RXRB: variants seen among roughly 807,000 people sequenced by gnomAD.
The protein encoded by RXRB is retinoic acid receptor RXR-beta.
Under a neutral mutation model 52.5 loss-of-function variants are expected in RXRB, and 18 were observed. The observed-to-expected ratio is 0.34, with a 90% confidence interval of 0.24 to 0.51. The LOEUF (loss-of-function observed/expected upper bound fraction) is 0.51, where lower values mean the gene tolerates loss of function less well. Among genes scored for constraint, RXRB ranks in the 20% least tolerant of loss-of-function variants. RXRB has a pLI of 0.97. For missense variants in RXRB, 455 were observed against 698.2 expected (o/e 0.65, Z 3.92); for synonymous variants, 233 against 267.1 (o/e 0.87, Z 1.25).
Position 33,196,583 on chromosome 6 carries a change from C to T in RXRB, c.844G>A (p.Gly282Arg). 6.2e-7 allele frequency: 1 copy of T among 1,611,120 alleles called. No individual in the cohort carries two copies. The highest frequency in any genetic ancestry group is 2.2e-5 in the East Asian group (1 of 44,852). Residue 282 changes from glycine (G) to arginine (R), a missense_variant, in exon 5 of 10, where the codon GGA becomes AGA. Physicochemically the swap from Gly to Arg is moderately radical, Grantham distance 125. Around this residue, in one of 4 missense-constraint regions of RXRB, gnomAD observed 100 missense variants for 141.9 expected, o/e 0.70. Coordinates refer to ENST00000374680, the MANE Select transcript of RXRB (RefSeq NM_021976.5). The surrounding 1 kb of genome is among the most constrained non-coding windows in gnomAD (Gnocchi z 4.0). ...REAVQEERQR[G>R]KDKDGDGEGA... ...TCCCCATCCCCATCCTTGTCCTTTC[C>T]CCGCTGACGCTCCTCCTGTACCGCT...
chr6:33,194,674 G>A lies in RXRB; in HGVS notation c.*8C>T, dbSNP rs553683366. 4.3e-6 allele frequency: 7 copies of A among 1,612,328 alleles called. 1 individual carries two copies. The African/African-American group carries it at 9.3e-5, about 21-fold the overall frequency. ...CCAGTGTGAGAAGCACCACGTCTGGGTCTGAGCTCAGGCCAGTTGATGGGG... is the reference window on the plus strand; with the variant it reads ...CCAGTGTGAGAAGCACCACGTCTGGATCTGAGCTCAGGCCAGTTGATGGGG... On this transcript the variant is annotated 3_prime_UTR_variant, in exon 10 of 10. Coordinates refer to ENST00000374680, the MANE Select transcript of RXRB (RefSeq NM_021976.5). The surrounding 1 kb of genome is among the most constrained non-coding windows in gnomAD (Gnocchi z 4.1).
intron 1 of RXRB, chr6:33,199,893 A>G (rs989799833): frequency 1.5e-6 from 1 of 660,938 alleles, no homozygotes; most frequent in Non-Finnish European, 2.8e-6. Context: ...GCGTAAAGCC[A>G]GGTAGCCAGA....
In RXRB at chr6:33,195,399, GCT is replaced by G. The variant is rs1173137913; in HGVS notation, c.1310_1311del (p.Glu437AlafsTer11). ...KMRDMRMDKT[E>X]LGCLRAIILF... is the part of the protein sequence containing the mutation. ...AGAATGATTGCCCTCAGGCAGCCAA[GCT>G]CTGTCTTGTCCATCCTCATGTCACG... On this transcript the variant is annotated frameshift_variant, in exon 8 of 10. Transcript: ENST00000374680. LOFTEE classifies it high-confidence loss of function. The surrounding 1 kb of genome is among the most constrained non-coding windows in gnomAD (Gnocchi z 8.6). 1.2e-6 allele frequency: 2 copies of G among 1,612,510 alleles called. No homozygotes were observed. Among genetic ancestry groups the G allele is most frequent in the African/African-American group, 1.3e-5 (1 of 75,052 alleles).
chr6:33,195,413 A>G lies in RXRB; in HGVS notation c.1298T>C (p.Met433Thr). 1 of 1,612,896 alleles carries G rather than the reference A, an allele frequency of 6.2e-7. No homozygotes were observed. Among genetic ancestry groups the G allele is most frequent in the Non-Finnish European group, 8.5e-7 (1 of 1,179,856 alleles). The change falls in exon 8 of 10, where the codon ATG becomes ACG. Residue 433 changes from methionine to threonine, a missense_variant. By Grantham distance (81) the Met-to-Thr change is moderately conservative. Around this residue, in one of 4 missense-constraint regions of RXRB, gnomAD observed 115 missense variants for 253.1 expected, o/e 0.45. Transcript: ENST00000374680. This position sits in a 1 kb window ranked among gnomAD's most constrained non-coding sequence, Gnocchi z 8.6. ...CAGGCAGCCAAGCTCTGTCTTGTCCATCCTCATGTCACGCATTTTGGACAC... is the reference window on the plus strand; with the variant it reads ...CAGGCAGCCAAGCTCTGTCTTGTCCGTCCTCATGTCACGCATTTTGGACAC... The part of the protein sequence containing the change: ...ELVSKMRDMR[M>T]DKTELGCLRA...
chr6:33,196,640 G>C lies in RXRB; in HGVS notation c.821-34C>G. 6.4e-7 allele frequency: 1 copy of C among 1,554,574 alleles called. No homozygotes were observed. The highest frequency in any genetic ancestry group is 2.3e-5 in the East Asian group (1 of 44,394). On this transcript the variant is annotated intron_variant, in intron 4 of 9. Coordinates refer to ENST00000374680, the MANE Select transcript of RXRB (RefSeq NM_021976.5). This position sits in a 1 kb window ranked among gnomAD's most constrained non-coding sequence, Gnocchi z 4.0. ...GGAAGGGGGAGAGAAAAAATGGAAA[G>C]TCAGCAGCCAGCCATGAAGGGGTTC... is the stretch of plus-strand genomic sequence containing the variant.
At position 33,200,473 on chromosome 6, in the gene RXRB, A is replaced by T; in HGVS notation, c.4T>A (p.Ser2Thr). The T allele has an allele frequency of 4.4e-6, 7 of 1,591,744 alleles. No homozygotes were observed. The highest frequency in any genetic ancestry group is 6.0e-6 in the Non-Finnish European group (7 of 1,171,526). M[S>T]WAARPPFLPQ... is the part of the protein sequence containing the mutation. The stretch of plus-strand genomic sequence containing the variant: ...AGGAAGGGCGGGCGAGCGGCCCAAG[A>T]CATGATCCCTGGCTGAGAGTAGGGA... The change falls in exon 1 of 10, where the codon TCT (serine) becomes ACT (threonine). Residue 2 changes from serine (S) to threonine (T), a missense_variant. Physicochemically the swap from Ser to Thr is moderately conservative, Grantham distance 58 (BLOSUM62 1). This residue lies in a region of RXRB where 225 missense variants were observed against 258.6 expected (regional missense o/e 0.87). Coordinates refer to ENST00000374680, the MANE Select transcript of RXRB (RefSeq NM_021976.5). This position sits in a 1 kb window ranked among gnomAD's most constrained non-coding sequence, Gnocchi z 6.3.
At chr6:33,199,101 G>C in intron 2 of RXRB, 68 bp downstream of exon 2, 1 of 1,170,424 alleles carries the variant, frequency 8.5e-7, no homozygotes, top group Non-Finnish European at 1.1e-6. Flanking sequence ...TTCACACAAG[G>C]ATCTGGGGTT....
chr6:33,199,843 G>GT (rs1774299896), intron 1 of RXRB: 1 of 581,992 alleles, frequency 1.7e-6, no homozygotes, highest in African/African-American at 1.8e-5. Flanking sequence ...TCGTGGGTGG[G>GT]GCAGCACGTG....
In RXRB at chr6:33,199,340, G is replaced by T; in HGVS notation, c.312C>A (p.Pro104=). 2 of 1,207,146 alleles carry T rather than the reference G, an allele frequency of 1.7e-6. No homozygotes were observed. Among genetic ancestry groups the T allele is most frequent in the Non-Finnish European group, 2.1e-6 (2 of 950,740 alleles). 74.8% of individuals were successfully genotyped at this position (1,207,146 alleles called of 1,614,324 possible). The change falls in exon 2 of 10, where the codon CCC becomes CCA. Residue 104 remains proline, a synonymous_variant. Transcript: ENST00000374680. ...GGGATGGAGCTGTTGAAGGGGGTAG[G>T]GGTGGCCCAGGAGGAGAAGGGGGAG... The part of the protein sequence containing the change: ...GVPPPSPPGP[P]LPPSTAPSLG...
In RXRB at chr6:33,197,468, C is replaced by G. The variant is rs1773999014; in HGVS notation, c.820+294G>C. ...AAGGTCCATGGAATCAGAGGAGGAA[C>G]CACTCAGGTTAGAAATGGGGAGACA... On this transcript the variant is annotated intron_variant, in intron 4 of 9. Transcript: ENST00000374680. The surrounding 1 kb of genome is among the most constrained non-coding windows in gnomAD (Gnocchi z 4.4). Among the ~76,000 whole-genome samples, 1 of 152,154 alleles carries G rather than the reference C, an allele frequency of 6.6e-6. No individual in the cohort carries two copies. The highest frequency in any genetic ancestry group is 2.1e-4 in the South Asian group (1 of 4,832).
chr6:33,195,997 T>C lies in RXRB; in HGVS notation c.1033A>G (p.Lys345Glu). ...PVTNICQAAD[K>E]QLFTLVEWAK... ...CACTCAACAAGCGTGAATAGCTGTT[T>C]GTCAGCTGCCTGACAGATGTTAGTC... The change falls in exon 6 of 10, where the codon AAA becomes GAA. Residue 345 changes from lysine to glutamate, a missense_variant. This residue lies in a region of RXRB where 115 missense variants were observed against 253.1 expected (regional missense o/e 0.45). Coordinates refer to ENST00000374680, the MANE Select transcript of RXRB (RefSeq NM_021976.5). This position sits in a 1 kb window ranked among gnomAD's most constrained non-coding sequence, Gnocchi z 8.6. 6.2e-7 allele frequency: 1 copy of C among 1,613,106 alleles called. No individual in the cohort carries two copies. Among genetic ancestry groups the C allele is most frequent in the Non-Finnish European group, 8.5e-7 (1 of 1,180,036 alleles).
At chr6:33,198,714 T>C (rs1774119860) in intron 2 of RXRB, 3 of 633,060 alleles carry the variant, frequency 4.7e-6, no homozygotes, top group Non-Finnish European at 8.5e-6. Flanking sequence ...GCAGATGGGA[T>C]CAAAAGGGCA....
rs964576267 is a variant in RXRB, at chr6:33,194,278, G to GC, written c.*403dup. Reference sequence around the variant, plus strand: ...TCATGTCCATCAGCTTGGGAGGCCTGCCCCCCAGTATCCACCTCTGGGGGA... The same window carrying GC: ...TCATGTCCATCAGCTTGGGAGGCCTGCCCCCCCAGTATCCACCTCTGGGGGA... On this transcript the variant is annotated 3_prime_UTR_variant, in exon 10 of 10. Transcript: ENST00000374680. The surrounding 1 kb of genome is among the most constrained non-coding windows in gnomAD (Gnocchi z 4.1). 5 of 166,710 alleles carry GC rather than the reference G, an allele frequency of 3.0e-5. No homozygotes were observed. Among genetic ancestry groups the GC allele is most frequent in the African/African-American group, 4.8e-5 (2 of 41,896 alleles). The allele number at this position is 166,710 out of a possible 1,614,324, so 10.3% of individuals were successfully genotyped here. A position where few individuals can be genotyped will look rare whatever the true frequency, so the allele number is the denominator to read the frequency against.
At position 33,195,903 on chromosome 6, in the gene RXRB, T is replaced by C. The variant is rs763792414; in HGVS notation, c.1123+4A>G. ...AGAAGTCAAAGGGATCCAAGGTCACTGACCTGCCCGCAGCAATATGACCTG... is the reference window on the plus strand; with the variant it reads ...AGAAGTCAAAGGGATCCAAGGTCACCGACCTGCCCGCAGCAATATGACCTG... On this transcript the variant is annotated splice_donor_region_variant and intron_variant, in intron 6 of 9. Transcript: ENST00000374680. This position sits in a 1 kb window ranked among gnomAD's most constrained non-coding sequence, Gnocchi z 8.6. The C allele has an allele frequency of 6.2e-7, 1 of 1,612,450 alleles. No individual in the cohort carries two copies. The highest frequency in any genetic ancestry group is 8.5e-7 in the Non-Finnish European group (1 of 1,180,020).
chr6:33,196,052 G>T lies in RXRB; in HGVS notation c.994-16C>A, dbSNP rs1032500151. On this transcript the variant is annotated splice_polypyrimidine_tract_variant and intron_variant, in intron 5 of 9. Transcript: ENST00000374680. The surrounding 1 kb of genome is among the most constrained non-coding windows in gnomAD (Gnocchi z 4.0). ...GGTCATTTGGCTGCAGGGGACGGGG[G>T]TAAGAGTTATGGAAGATTTTGAGAT... 2 of 1,612,916 alleles carry T rather than the reference G, an allele frequency of 1.2e-6. No individual in the cohort carries two copies. The highest frequency in any genetic ancestry group is 1.7e-6 in the Non-Finnish European group (2 of 1,179,918).
At position 33,196,150 on chromosome 6, in the gene RXRB, A is replaced by C; in HGVS notation, c.994-114T>G. The C allele has an allele frequency of 1.5e-6, 2 of 1,336,104 alleles. No individual in the cohort carries two copies. Among genetic ancestry groups the C allele is most frequent in the Non-Finnish European group, 2.1e-6 (2 of 947,564 alleles). 82.8% of individuals were successfully genotyped at this position (1,336,104 alleles called of 1,614,324 possible). A position where few individuals can be genotyped will look rare whatever the true frequency, so the allele number is the denominator to read the frequency against. On this transcript the variant is annotated intron_variant, in intron 5 of 9. Transcript: ENST00000374680. The surrounding 1 kb of genome is among the most constrained non-coding windows in gnomAD (Gnocchi z 4.0). ...TATAGTCTTCCTGTGAGCCCCATCC[A>C]AACCAATCCCTGTAAGTGAGTCTTC...
chr6:33,195,766 G>A lies in RXRB; in HGVS notation c.1124-64C>T. 4 of 1,602,038 alleles carry A rather than the reference G, an allele frequency of 2.5e-6. No individual in the cohort carries two copies. The highest frequency in any genetic ancestry group is 2.2e-5 in the East Asian group (1 of 44,760). On this transcript the variant is annotated intron_variant, in intron 6 of 9. Coordinates refer to ENST00000374680, the MANE Select transcript of RXRB (RefSeq NM_021976.5). The surrounding 1 kb of genome is among the most constrained non-coding windows in gnomAD (Gnocchi z 8.6). Reference sequence around the variant, plus strand: ...CCAAGGGATTCAAAGCACATCAGTGGAAGAGAAGGAGAAAAGAGGTGGCGA... The same window carrying A: ...CCAAGGGATTCAAAGCACATCAGTGAAAGAGAAGGAGAAAAGAGGTGGCGA...
intron 3 of RXRB, 137 bp from the exon 4 acceptor site, chr6:33,198,078 G>T: frequency 9.4e-7 from 1 of 1,067,866 alleles, no homozygotes; most frequent in Non-Finnish European, 1.4e-6. Flanking sequence ...CAGGAGCTGA[G>T]TGATGATCCA....
rs1464948572 is a variant in RXRB, at chr6:33,197,641, A to T, written c.820+121T>A. The stretch of plus-strand genomic sequence containing the variant: ...GAGGAGAGCTGCGAAGGGAGAGAGA[A>T]ATCAAATATCGCCCTCTAGAGGAGA... On this transcript the variant is annotated intron_variant, in intron 4 of 9. Coordinates refer to ENST00000374680, the MANE Select transcript of RXRB (RefSeq NM_021976.5). This position sits in a 1 kb window ranked among gnomAD's most constrained non-coding sequence, Gnocchi z 4.4. 2 of 888,596 alleles carry T rather than the reference A, an allele frequency of 2.3e-6. No homozygotes were observed. The allele number at this position is 888,596 out of a possible 1,614,324, so 55.0% of individuals were successfully genotyped here.
Sources: gnomAD v4.1 joint callset for allele counts (sites outside exome capture counted in the v4.1 genomes callset) on GRCh38, gnomAD v4.1.1 for gene constraint, gnomAD v4.1.1 regional missense constraint, Gnocchi (gnomAD v3.1) non-coding constraint, MANE v1.5 for transcripts, NCBI Gene and HGNC (gene_info 2026-07-23, HGNC 2026-07-21) for gene names.